APBB2: variants seen among roughly 807,000 people sequenced by gnomAD.
APBB2 encodes the protein amyloid beta precursor protein binding family B member 2.
A neutral mutation model predicts 82.5 loss-of-function variants in APBB2; 38 were observed. That is an observed-to-expected ratio of 0.46 (90% CI 0.36 to 0.60). The LOEUF is 0.60. Among genes scored for constraint, APBB2 ranks in the 20% least tolerant of loss-of-function variants. The pLI, the probability that APBB2 is intolerant of heterozygous loss-of-function variation, is 0.00. For missense variants in APBB2, 772 were observed against 972.3 expected, an observed-to-expected ratio of 0.79 and a Z score of 2.74; for synonymous variants, 341 against 368.2, an observed-to-expected ratio of 0.93 and a Z score of 0.85.
chr4:40,929,144 T>G (rs1029108620), intron 10 of APBB2, among the ~76,000 whole-genome samples: 1 of 151,888 alleles, frequency 6.6e-6, no homozygotes, highest in African/African-American at 2.4e-5. Flanking sequence ...CTATGAGAAC[T>G]CTGTACTATC....
rs563798281 is a variant in APBB2 at position 40,905,608 on chromosome 4, G to A, written c.1255-12197C>T. Among the ~76,000 whole-genome samples, 33 of 152,306 alleles carry A rather than the reference G, an allele frequency of 2.2e-4. No homozygotes were observed. In the South Asian group the frequency reaches 5.8e-3, roughly 27 times the overall value. On this transcript the variant is annotated intron_variant, in intron 10 of 17. Transcript: ENST00000508593. The stretch of plus-strand genomic sequence containing the variant: ...ACCTCCTCCCTCTGTTGGAGAAAGC[G>A]CACTTGCAGACTTGCCACGAAGCAA...
chr4:41,142,595 T>G (rs1310999797), intron 2 of APBB2, among the ~76,000 whole-genome samples: 1 of 152,116 alleles, frequency 6.6e-6, no homozygotes, highest in African/African-American at 2.4e-5. Flanking sequence ...TGAGTGCAAG[T>G]CTTTGAAACT....
At chr4:40,930,440 T>TGTGTGTGTGTGCGCGCGCGCGC (rs1783818675) in intron 10 of APBB2, among the ~76,000 whole-genome samples, 1 of 45,284 alleles carries the variant, frequency 2.2e-5, no homozygotes, top group African/African-American at 5.9e-5. Flanking sequence ...TGTGTGTGTG[T>TGTGTGTGTGTGCGCGCGCGCGC]GTGTGTGTGC....
chr4:41,082,298 C>T (rs1317284718), intron 3 of APBB2, among the ~76,000 whole-genome samples: 4 of 152,184 alleles, frequency 2.6e-5, no homozygotes, highest in Non-Finnish European at 4.4e-5. Flanking sequence ...TCCCTCATCA[C>T]ACAGTACTTA....
intron 10 of APBB2, among the ~76,000 whole-genome samples, chr4:40,895,515 G>A (rs140401635): frequency 8.5e-5 from 13 of 152,162 alleles, no homozygotes; most frequent in Admixed American, 7.9e-4. Flanking sequence ...CTGCCCCTCC[G>A]CAGCTCTGCT....
intron 1 of APBB2, among the ~76,000 whole-genome samples, chr4:41,196,154 G>A: frequency 4.3e-5 from 6 of 140,286 alleles, no homozygotes; most frequent in South Asian, 2.2e-4. Context: ...GCAAGACTCC[G>A]TCTCAAAAAA....
chr4:41,066,367 T>G (rs13122674), intron 3 of APBB2, among the ~76,000 whole-genome samples: 7,882 of 152,216 alleles, frequency 0.052, 226 homozygotes, highest in Middle Eastern at 0.13. Flanking sequence ...GATTTTTTAT[T>G]TAAAAAACAT....
intron 12 of APBB2, among the ~76,000 whole-genome samples, chr4:40,854,153 A>T (rs1760373522): frequency 1.3e-5 from 2 of 152,208 alleles, no homozygotes; most frequent in South Asian, 4.1e-4. Context: ...ACATTCATTC[A>T]TCTGCCCATT....
chr4:40,965,653 G>A (rs552475159), intron 6 of APBB2, among the ~76,000 whole-genome samples: 19 of 152,174 alleles, frequency 1.2e-4, no homozygotes, highest in East Asian at 9.6e-4. Context: ...AATTAACCTC[G>A]TCTATTGCTT....
chr4:40,852,228 G>A lies in APBB2; in HGVS notation c.1530-21651C>T, dbSNP rs148820731. Among the ~76,000 whole-genome samples the A allele has an allele frequency of 2.7e-3, 406 of 151,826 alleles. 9 individuals carry two copies. In the East Asian group the frequency reaches 0.053, roughly 20 times the overall value. On this transcript the variant is annotated intron_variant, in intron 12 of 17. Coordinates refer to ENST00000508593, the MANE Select transcript of APBB2 (RefSeq NM_004307.2). Reference sequence around the variant, plus strand: ...TAGTGGGGCATGGTGGTGCATGCCTGTAATCCCATCTATTTGGGAGGCTGA... The same window carrying A: ...TAGTGGGGCATGGTGGTGCATGCCTATAATCCCATCTATTTGGGAGGCTGA...
chr4:41,052,393 C>T (rs770057208), intron 4 of APBB2, among the ~76,000 whole-genome samples: 1 of 152,180 alleles, frequency 6.6e-6, no homozygotes, highest in Non-Finnish European at 1.5e-5. Flanking sequence ...CACACCAGTG[C>T]CTCACTCTAT....
At chr4:40,911,380 G>A (rs538729567) in intron 10 of APBB2, among the ~76,000 whole-genome samples, 1 of 152,294 alleles carries the variant, frequency 6.6e-6, no homozygotes, top group African/African-American at 2.4e-5. Context: ...TGTGTATAAA[G>A]TGCTCACAAT....
chr4:40,933,756 C>G (rs73150569), intron 10 of APBB2, among the ~76,000 whole-genome samples: 5,936 of 152,270 alleles, frequency 0.039, 388 homozygotes, highest in African/African-American at 0.14. Flanking sequence ...TGTGTGCAAT[C>G]CAAAGCCCAG....
intron 2 of APBB2, among the ~76,000 whole-genome samples, chr4:41,119,638 A>G (rs1386535700): frequency 6.6e-6 from 1 of 152,006 alleles, no homozygotes; most frequent in Non-Finnish European, 1.5e-5. Flanking sequence ...TCTGTACATT[A>G]ACATACTCCA....
chr4:41,001,890 AG>A lies in APBB2; in HGVS notation c.835+11692del, dbSNP rs1805358445. On this transcript the variant is annotated intron_variant, in intron 6 of 17. Coordinates refer to ENST00000508593, the MANE Select transcript of APBB2 (RefSeq NM_004307.2). ...GAGACTCCGCCTCAAAAAAAAAAAA[AG>A]AAAAAGAAAAAGAAAAAGACAAAAG... 2.7e-5 allele frequency among the ~76,000 whole-genome samples: 4 copies of A among 150,878 alleles called. No individual in the cohort carries two copies. The South Asian group carries it at 6.2e-4, about 24-fold the overall frequency.
At chr4:40,992,091 CACTT>C (rs1158886291) in intron 6 of APBB2, among the ~76,000 whole-genome samples, 1 of 152,158 alleles carries the variant, frequency 6.6e-6, no homozygotes, top group African/African-American at 2.4e-5. Flanking sequence ...TCTTTGCTAA[CACTT>C]AATACTCAGA....
intron 12 of APBB2, among the ~76,000 whole-genome samples, chr4:40,844,141 GAGGC>G (rs1451163701): frequency 1.3e-5 from 2 of 151,822 alleles, no homozygotes; most frequent in African/African-American, 2.4e-5. Context: ...TTGGGCTGAA[GAGGC>G]AGACACAGCT....
intron 1 of APBB2, among the ~76,000 whole-genome samples, chr4:41,148,643 C>T (rs958091534): frequency 1.3e-5 from 2 of 152,296 alleles, no homozygotes; most frequent in African/African-American, 4.8e-5. Context: ...AACATGCAGG[C>T]GGCACCTAAT....
chr4:40,867,693 T>A (rs1764377156), intron 12 of APBB2, among the ~76,000 whole-genome samples: 1 of 152,212 alleles, frequency 6.6e-6, no homozygotes, highest in Admixed American at 6.5e-5. Flanking sequence ...TTCTCTGAGA[T>A]GACGTTCCCA....
Sources: gnomAD v4.1 joint callset for allele counts (sites outside exome capture counted in the v4.1 genomes callset) on GRCh38, gnomAD v4.1.1 for gene constraint, MANE v1.5 for transcripts, NCBI Gene and HGNC (gene_info 2026-07-23, HGNC 2026-07-21) for gene names.